Variants in CD2 observed in about 807,000 individuals in gnomAD.
CD2 encodes T-cell surface antigen CD2.
A neutral mutation model predicts 23.2 loss-of-function variants in CD2; 18 were observed. That is an observed-to-expected ratio of 0.77 (90% CI 0.54 to 1.15). CD2 has a LOEUF of 1.15. Among genes scored for constraint, CD2 ranks in the 50% most tolerant of loss-of-function variants. The pLI is 0.00. For synonymous variants in CD2, 162 were observed against 151.9 expected (o/e 1.07, Z -0.49); for missense variants, 424 against 423.1 (o/e 1.00, Z -0.02).
chr1:116,766,193 A>G (rs1474509240), intron 4 of CD2, among the ~76,000 whole-genome samples: 1 of 152,228 alleles, frequency 6.6e-6, no homozygotes, highest in Non-Finnish European at 1.5e-5. Flanking sequence ...GAGAAGGACA[A>G]TGAGCCTGGA....
At chr1:116,756,987 TTC>T (rs34612143) in intron 2 of CD2, among the ~76,000 whole-genome samples, 2,394 of 145,326 alleles carry the variant, frequency 0.016, 43 homozygotes, top group African/African-American at 0.046. Context: ...TTCTCCAAGC[TTC>T]TCTTTTTTTT....
chr1:116,765,694 C>G lies in CD2; in HGVS notation c.736+1088C>G, dbSNP rs553169102. Among the ~76,000 whole-genome samples, 3 of 152,340 alleles carry G rather than the reference C, an allele frequency of 2.0e-5. No homozygotes were observed. In the South Asian group the frequency reaches 6.2e-4, roughly 32 times the overall value. ...CCTTAGGCATGCCTGGCTTATCCTC[C>G]TCTGTGCCCAGCTCTGGCTGTTCTC... On this transcript the variant is annotated intron_variant, in intron 4 of 4. Transcript: ENST00000369478.
intron 3 of CD2, 170 bp from the exon 4 acceptor site, chr1:116,764,314 C>A: frequency 1.7e-6 from 1 of 584,766 alleles, no homozygotes; most frequent in Non-Finnish European, 2.2e-6. Context: ...GACCTTGGGT[C>A]CTTCCAGGGT....
At chr1:116,764,878 C>T (rs968503338) in intron 4 of CD2, among the ~76,000 whole-genome samples, 4 of 152,166 alleles carry the variant, frequency 2.6e-5, no homozygotes, top group African/African-American at 9.7e-5. Flanking sequence ...TGGTGACAGG[C>T]TAATGTGAAC....
intron 4 of CD2, among the ~76,000 whole-genome samples, chr1:116,766,800 A>G (rs1652229765): frequency 6.6e-6 from 1 of 151,998 alleles, no homozygotes; most frequent in East Asian, 1.9e-4. Flanking sequence ...GAGATCAAGA[A>G]TGCAGTGAGA....
At chr1:116,763,059 A>G (rs1652106566) in intron 3 of CD2, among the ~76,000 whole-genome samples, 1 of 152,186 alleles carries the variant, frequency 6.6e-6, no homozygotes, top group South Asian at 2.1e-4. Flanking sequence ...GGCCTCTGGT[A>G]TCTCCTGCCC....
intron 4 of CD2, 135 bp from the exon 5 acceptor site, chr1:116,768,329 T>C: frequency 1.3e-6 from 1 of 756,360 alleles, no homozygotes; most frequent in South Asian, 1.9e-5. Flanking sequence ...AGTTCTCAGA[T>C]AGTAGGGGCA....
At position 116,768,661 on chromosome 1, in the gene CD2, C is replaced by T. The variant is rs747590344; in HGVS notation, c.934C>T (p.Pro312Ser). 1.2e-6 allele frequency: 2 copies of T among 1,614,162 alleles called. No individual in the cohort carries two copies. The highest frequency in any genetic ancestry group is 1.7e-6 in the Non-Finnish European group (2 of 1,180,030). Residue 312 changes from proline (P) to serine (S), a missense_variant, in exon 5 of 5, where the codon CCT becomes TCT. Transcript: ENST00000369478. Reference sequence around the variant, plus strand: ...TGTTCAGCACCAGCCTCAGAAGAGGCCTCCTGCTCCGTCGGGCACACAAGT... The same window carrying T: ...TGTTCAGCACCAGCCTCAGAAGAGGTCTCCTGCTCCGTCGGGCACACAAGT... ...HRVQHQPQKR[P>S]PAPSGTQVHQ...
chr1:116,760,625 C>G lies in CD2; in HGVS notation c.606C>G (p.Ser202Arg). Reference protein sequence around the residue: ...VSKESSVEPVSCPEKGLDIYL... With the variant: ...VSKESSVEPVRCPEKGLDIYL... ...AGGAATCCAGTGTCGAGCCTGTCAGCTGTCCAGGTGCGTGGCGGGCATCAC... is the reference window on the plus strand; with the variant it reads ...AGGAATCCAGTGTCGAGCCTGTCAGGTGTCCAGGTGCGTGGCGGGCATCAC... The change falls in exon 3 of 5, where the codon AGC (serine) becomes AGG (arginine). Residue 202 changes from serine to arginine, a missense_variant. Physicochemically the swap from Ser to Arg is moderately radical, Grantham distance 110. Transcript: ENST00000369478. 1.9e-6 allele frequency: 3 copies of G among 1,613,818 alleles called. No individual in the cohort carries two copies. The highest frequency in any genetic ancestry group is 2.5e-6 in the Non-Finnish European group (3 of 1,179,652).
intron 4 of CD2, 45 bp downstream of exon 4, chr1:116,764,651 C>T (rs1406319606): frequency 7.0e-7 from 1 of 1,433,554 alleles, no homozygotes; most frequent in Non-Finnish European, 9.8e-7. Context: ...CAGCAAAATC[C>T]CCATGAAACA....
intron 4 of CD2, 58 bp downstream of exon 4, chr1:116,764,664 T>C (rs928905307): frequency 1.6e-6 from 2 of 1,284,688 alleles, no homozygotes; most frequent in African/African-American, 2.9e-5. Context: ...ATGAAACAGC[T>C]CATGGGGATG....
chr1:116,755,791 T>A (rs557934838), intron 2 of CD2, among the ~76,000 whole-genome samples: 1 of 152,092 alleles, frequency 6.6e-6, no homozygotes, highest in Non-Finnish European at 1.5e-5. Flanking sequence ...TAGAGAAAGG[T>A]GGCTTAGGCA....
intron 4 of CD2, among the ~76,000 whole-genome samples, chr1:116,767,756 G>C (rs1299393301): frequency 6.6e-6 from 1 of 152,142 alleles, no homozygotes; most frequent in Non-Finnish European, 1.5e-5. Context: ...CAGGCCTCTA[G>C]CAGCTGGGCA....
intron 4 of CD2, among the ~76,000 whole-genome samples, chr1:116,765,342 C>T (rs867649767): frequency 2.6e-5 from 4 of 152,146 alleles, no homozygotes; most frequent in Non-Finnish European, 4.4e-5. Context: ...CTGCAATTCA[C>T]GTTCACAGCA....
At chr1:116,756,137 C>G (rs1238266116) in intron 2 of CD2, among the ~76,000 whole-genome samples, 1 of 152,156 alleles carries the variant, frequency 6.6e-6, no homozygotes, top group African/African-American at 2.4e-5. Context: ...GAAGTGACAA[C>G]TTTCCACACC....
Position 116,768,774 on chromosome 1 carries a change from C to T in CD2, c.1047C>T (p.Ser349=). 1 of 1,607,866 alleles carries T rather than the reference C, an allele frequency of 6.2e-7. No homozygotes were observed. The highest frequency in any genetic ancestry group is 1.1e-5 in the South Asian group (1 of 90,026). The change falls in exon 5 of 5, where the codon TCC becomes TCT. Residue 349 remains serine (S), a synonymous_variant. Transcript: ENST00000369478. Reference sequence around the variant, plus strand: ...CAGCAGAAAACTCATTGTCCCCTTCCTCTAATTAAAAAAGATAGAAACTGT... The same window carrying T: ...CAGCAGAAAACTCATTGTCCCCTTCTTCTAATTAAAAAAGATAGAAACTGT... ...HGAAENSLSP[S]SN
At position 116,754,877 on chromosome 1, in the gene CD2, A is replaced by G. The variant is rs563470187; in HGVS notation, c.308A>G (p.Asp103Gly). Residue 103 changes from aspartate to glycine, a missense_variant, in exon 2 of 5, where the codon GAT (aspartate) becomes GGT (glycine). Coordinates refer to ENST00000369478, the MANE Select transcript of CD2 (RefSeq NM_001767.5). ...KIKHLKTDDQDIYKVSIYDTK... is the reference protein window; with the variant it reads ...KIKHLKTDDQGIYKVSIYDTK... The stretch of plus-strand genomic sequence containing the variant: ...AAGCATCTGAAGACCGATGATCAGG[A>G]TATCTACAAGGTATCAATATATGAT... 8 of 1,612,906 alleles carry G rather than the reference A, an allele frequency of 5.0e-6. No individual in the cohort carries two copies. Among genetic ancestry groups the G allele is most frequent in the African/African-American group, 2.7e-5 (2 of 75,018 alleles).
At chr1:116,763,779 G>C (rs1241799255) in intron 3 of CD2, among the ~76,000 whole-genome samples, 1 of 152,102 alleles carries the variant, frequency 6.6e-6, no homozygotes, top group Admixed American at 6.5e-5. Context: ...CAAAGTCACT[G>C]TTTTCCTCAT....
chr1:116,763,746 A>G (rs917356545), intron 3 of CD2, among the ~76,000 whole-genome samples: 2 of 152,154 alleles, frequency 1.3e-5, no homozygotes, highest in Non-Finnish European at 2.9e-5. Context: ...AAAAGCCTAG[A>G]CCAAACCCAT....
Sources: allele counts gnomAD v4.1 joint callset (sites outside exome capture counted in the v4.1 genomes callset), GRCh38; gene constraint gnomAD v4.1.1; transcripts MANE v1.5; gene names NCBI Gene and HGNC (gene_info 2026-07-23, HGNC 2026-07-21).